The following TLE6 variants were observed in gnomAD, a reference collection of about 807,000 sequenced individuals.
TLE6 encodes the protein transducin-like enhancer protein 6.
Under a neutral mutation model 77.1 loss-of-function variants are expected in TLE6, and 72 were observed. The observed-to-expected ratio is 0.93, with a 90% CI of 0.77 to 1.14. TLE6 has a LOEUF of 1.14. TLE6 is among the 50% of genes most tolerant of loss of function. The pLI, the probability that TLE6 is intolerant of heterozygous loss-of-function variation, is 0.00. For synonymous variants in TLE6, 366 were observed against 287.3 expected, an observed-to-expected ratio of 1.27 and a Z score of -2.77; for missense variants, 843 against 747.6, an observed-to-expected ratio of 1.13 and a Z score of -1.49.
chr19:2,987,430 C>T (rs906527732), intron 8 of TLE6, 58 bp downstream of exon 8: 1 of 1,609,954 alleles, frequency 6.2e-7, no homozygotes, highest in Non-Finnish European at 8.5e-7. Flanking sequence ...GGCGGTTGGG[C>T]TCCCCCAGGT....
chr19:2,989,755 T>C lies in TLE6; in HGVS notation c.1214T>C (p.Ile405Thr). ...AGCTTCACCAGTGGTGTGGTCAGGA[T>C]CTGGGACCTGCGGGATCAGAGTGTG... Reference protein sequence around the residue: ...FASFTSGVVRIWDLRDQSVVR... With the variant: ...FASFTSGVVRTWDLRDQSVVR... Residue 405 changes from isoleucine to threonine, a missense_variant, in exon 13 of 17, where the codon ATC becomes ACC. Coordinates refer to ENST00000246112, the MANE Select transcript of TLE6 (RefSeq NM_001143986.2). 11 of 1,614,120 alleles carry C rather than the reference T, an allele frequency of 6.8e-6. No individual in the cohort carries two copies. Among genetic ancestry groups the C allele is most frequent in the Non-Finnish European group, 9.3e-6 (11 of 1,180,024 alleles).
chr19:2,989,371 T>A, intron 12 of TLE6, 58 bp downstream of exon 12: 1 of 1,600,846 alleles, frequency 6.2e-7, no homozygotes, highest in Non-Finnish European at 8.5e-7. Context: ...GGGTTTGAGG[T>A]TTGAGTCTGG....
intron 4 of TLE6, among the ~76,000 whole-genome samples, 173 bp downstream of exon 4, chr19:2,981,756 A>C (rs147716556): frequency 0.012 from 1,842 of 152,116 alleles, 23 homozygotes; most frequent in Middle Eastern, 0.031. Context: ...GGATCACCTG[A>C]GGTCAGGAGT....
chr19:2,985,243 G>A (rs1372715380), intron 5 of TLE6, among the ~76,000 whole-genome samples: 1 of 151,714 alleles, frequency 6.6e-6, no homozygotes, highest in African/African-American at 2.4e-5. Flanking sequence ...GAGCAAGACT[G>A]TCTCAAAAGA....
intron 14 of TLE6, among the ~76,000 whole-genome samples, chr19:2,992,882 G>A (rs1392869426): frequency 6.8e-6 from 1 of 146,974 alleles, no homozygotes; most frequent in Non-Finnish European, 1.5e-5. Context: ...TCCAAACACA[G>A]AGATCATTAG....
chr19:2,986,928 G>C (rs917118589), intron 6 of TLE6, 37 bp downstream of exon 6: 1 of 1,553,670 alleles, frequency 6.4e-7, no homozygotes, highest in South Asian at 1.2e-5. Flanking sequence ...GAGGGGACAG[G>C]CTTGGGTGAA....
Position 2,994,984 on chromosome 19 carries a change from G to A in TLE6, c.1699G>A (p.Val567Met), listed in dbSNP as rs376160916. 2.4e-5 allele frequency: 38 copies of A among 1,607,380 alleles called. No individual in the cohort carries two copies. The highest frequency in any genetic ancestry group is 4.5e-5 in the East Asian group (2 of 44,786). ...VVTGSGEHAS[V>M]YQITY ...CACAGGCTCCGGGGAGCACGCCTCCGTGTACCAGATCACCTACTGAGGGGC... is the reference window on the plus strand; with the variant it reads ...CACAGGCTCCGGGGAGCACGCCTCCATGTACCAGATCACCTACTGAGGGGC... Residue 567 changes from valine (V) to methionine (M), a missense_variant, in exon 17 of 17, where the codon GTG becomes ATG. Transcript: ENST00000246112.
rs1244820588 is a variant in TLE6, at chr19:2,991,787, G to T, written c.1245-56G>T. The T allele has an allele frequency of 1.8e-5, 28 of 1,575,382 alleles. No individual in the cohort carries two copies. The Admixed American group carries it at 3.9e-4, about 22-fold the overall frequency. ...CCAAATGTAGTGACTGGTGTTTCCG[G>T]GGGCCCAAACCTCAGAGTCTTGACC... On this transcript the variant is annotated intron_variant, in intron 13 of 16. Coordinates refer to ENST00000246112, the MANE Select transcript of TLE6 (RefSeq NM_001143986.2).
At chr19:2,992,466 C>G (rs2145066691) in intron 14 of TLE6, among the ~76,000 whole-genome samples, 1 of 152,066 alleles carries the variant, frequency 6.6e-6, no homozygotes, top group South Asian at 2.1e-4. Context: ...GAGCGAAACT[C>G]TGTCTCAAAA....
intron 3 of TLE6, 134 bp from the exon 4 acceptor site, chr19:2,981,404 G>T: frequency 1.3e-6 from 1 of 798,788 alleles, no homozygotes; most frequent in Non-Finnish European, 2.0e-6. Flanking sequence ...TCTTGACACT[G>T]CCTTAAATTT....
chr19:2,993,920 C>CAAAAAA (rs34647224), intron 15 of TLE6, 99 bp from the exon 16 acceptor site: 361 of 548,812 alleles, frequency 6.6e-4, no homozygotes, highest in African/African-American at 3.6e-3. Flanking sequence ...GACCCTGTCT[C>CAAAAAA]AAAAAAAAAA....
Position 2,991,969 on chromosome 19 carries a change from C to G in TLE6, c.1371C>G (p.Tyr457Ter). 2 of 1,613,698 alleles carry G rather than the reference C, an allele frequency of 1.2e-6. No individual in the cohort carries two copies. Among genetic ancestry groups the G allele is most frequent in the Non-Finnish European group, 1.7e-6 (2 of 1,179,920 alleles). Residue 457 changes from tyrosine to a stop codon, truncating the protein, a stop_gained, in exon 14 of 17, where the codon TAC becomes TAG. Transcript: ENST00000246112. LOFTEE classifies it high-confidence loss of function. ...DQRTIMKPLEYQFKSQIMSLS... is the reference protein window; with the variant it reads ...DQRTIMKPLE ...GGACCATCATGAAACCTCTGGAGTA[C>G]CAATTCAAGTCTCAGGTGCGGAGGC...
Position 2,992,793 on chromosome 19 carries a change from A to AAAAG in TLE6, c.1387-639_1387-638insAAAG, listed in dbSNP as rs1487334518. On this transcript the variant is annotated intron_variant, in intron 14 of 16. Transcript: ENST00000246112. ...AGACCCTGTCTCAAAAAAAAAAAAA[A>AAAAG]GGGGGGGAGGCGGGTGGGGGGGGGG... Among the ~76,000 whole-genome samples, 57 of 19,750 alleles carry AAAAG rather than the reference A, an allele frequency of 2.9e-3. 4 individuals are homozygous for AAAAG. The highest frequency in any genetic ancestry group is 0.014 in the African/African-American group (53 of 3,874). 13.0% of individuals were successfully genotyped at this position (19,750 alleles called of 152,430 possible).
chr19:2,979,982 CAAA>C, intron 2 of TLE6, 115 bp from the exon 3 acceptor site: 1 of 484,696 alleles, frequency 2.1e-6, no homozygotes, highest in Non-Finnish European at 3.3e-6. Flanking sequence ...AAAAAAAAAG[CAAA>C]AACCACAATT....
At chr19:2,993,786 C>T (rs774151275) in intron 15 of TLE6, among the ~76,000 whole-genome samples, 8 of 151,970 alleles carry the variant, frequency 5.3e-5, no homozygotes, top group Admixed American at 1.3e-4. Flanking sequence ...CCCGCCCCAC[C>T]GGCGCGGTCC....
chr19:2,987,905 G>T lies in TLE6; in HGVS notation c.633G>T (p.Arg211Ser). The change falls in exon 10 of 17, where the codon AGG (arginine) becomes AGT (serine). Residue 211 changes from arginine (R) to serine (S), a missense_variant. Coordinates refer to ENST00000246112, the MANE Select transcript of TLE6 (RefSeq NM_001143986.2). ...DPCPEDASTP[R>S]PPEASSSPPE... Reference sequence around the variant, plus strand: ...CTCTTGTCTCCCCACTAGCCCCCAGGCCACCTGAGGCCTCCTCCAGTCCCC... The same window carrying T: ...CTCTTGTCTCCCCACTAGCCCCCAGTCCACCTGAGGCCTCCTCCAGTCCCC... The T allele has an allele frequency of 6.2e-7, 1 of 1,609,286 alleles. No homozygotes were observed. Among genetic ancestry groups the T allele is most frequent in the South Asian group, 1.1e-5 (1 of 90,636 alleles).
At chr19:2,992,869 T>C (rs982334989) in intron 14 of TLE6, among the ~76,000 whole-genome samples, 12 of 143,376 alleles carry the variant, frequency 8.4e-5, no homozygotes, top group African/African-American at 2.8e-4. Flanking sequence ...GTCTCACTGA[T>C]GCTCCAAACA....
chr19:2,987,429 G>A lies in TLE6; in HGVS notation c.558+57G>A, dbSNP rs1046607421. The A allele has an allele frequency of 1.0e-4, 165 of 1,609,836 alleles. No individual in the cohort carries two copies. In the Admixed American group the frequency reaches 2.7e-3, roughly 27 times the overall value. On this transcript the variant is annotated intron_variant, in intron 8 of 16. Coordinates refer to ENST00000246112, the MANE Select transcript of TLE6 (RefSeq NM_001143986.2). ...GGTGGGCTTCCGGGCAGGCGGTTGGGCTCCCCCAGGTCAGGGCACTGGGGT... is the reference window on the plus strand; with the variant it reads ...GGTGGGCTTCCGGGCAGGCGGTTGGACTCCCCCAGGTCAGGGCACTGGGGT...
At chr19:2,994,236 G>A (rs984390906) in intron 16 of TLE6, 141 bp downstream of exon 16, 9 of 673,408 alleles carry the variant, frequency 1.3e-5, no homozygotes, top group Non-Finnish European at 2.2e-5. Flanking sequence ...AGCATTTTGG[G>A]AGGCTGAGGC....
Sources: allele counts gnomAD v4.1 joint callset (sites outside exome capture counted in the v4.1 genomes callset), GRCh38; gene constraint gnomAD v4.1.1; transcripts MANE v1.5; gene names NCBI Gene and HGNC (gene_info 2026-07-23, HGNC 2026-07-21).